MPLKIP: variants seen among roughly 807,000 people sequenced by gnomAD.
The protein encoded by MPLKIP is M-phase-specific PLK1-interacting protein.
Under a neutral mutation model 16.9 loss-of-function variants are expected in MPLKIP, and 16 were observed. The observed-to-expected ratio is 0.94, with a 90% CI of 0.64 to 1.43. The LOEUF (loss-of-function observed/expected upper bound fraction) is 1.43. Ranked by LOEUF, MPLKIP falls within the 40% of genes most tolerant of loss-of-function variation. MPLKIP has a pLI of 0.00. For missense variants in MPLKIP, 282 were observed against 237.6 expected, an observed-to-expected ratio of 1.19 and a Z score of -1.23; for synonymous variants, 126 against 98.4, an observed-to-expected ratio of 1.28 and a Z score of -1.66.
chr7:40,129,786 G>GA lies in MPLKIP; in HGVS notation c.*3272dup, dbSNP rs11441182. The GA allele has an allele frequency of 0.38, 53,697 of 142,498 alleles. 10,829 individuals carry two copies. Among genetic ancestry groups the GA allele is most frequent in the Middle Eastern group, 0.57 (155 of 274 alleles). 8.8% of individuals were successfully genotyped at this position (142,498 alleles called of 1,614,324 possible). A position where few individuals can be genotyped will look rare whatever the true frequency, so the allele number is the denominator to read the frequency against. On this transcript the variant is annotated 3_prime_UTR_variant, in exon 2 of 2. Transcript: ENST00000306984. ...CTATAAGGAGACCCTCTAACTCTTTGAAAAAAAAAAAAAGTCTGTTAATGT... is the reference window on the plus strand; with the variant it reads ...CTATAAGGAGACCCTCTAACTCTTTGAAAAAAAAAAAAAAGTCTGTTAATGT...
rs1439424159 is a variant in MPLKIP at position 40,132,534 on chromosome 7, G to A, written c.*525C>T. On this transcript the variant is annotated 3_prime_UTR_variant, in exon 2 of 2. Transcript: ENST00000306984. ...CAAGTTTTAATGCATTTTAACAGAA[G>A]CATTAGATAAAATGAGTATGAACAG... The A allele has an allele frequency of 6.1e-6, 1 of 165,194 alleles. No individual in the cohort carries two copies. The highest frequency in any genetic ancestry group is 5.8e-5 in the Admixed American group (1 of 17,110). 10.2% of individuals were successfully genotyped at this position (165,194 alleles called of 1,614,324 possible). A position where few individuals can be genotyped will look rare whatever the true frequency, so the allele number is the denominator to read the frequency against.
At chr7:40,134,039 G>A (rs1664375847) in intron 1 of MPLKIP, among the ~76,000 whole-genome samples, 190 bp downstream of exon 1, 1 of 152,094 alleles carries the variant, frequency 6.6e-6, no homozygotes, top group African/African-American at 2.4e-5. Context: ...AGAACGTACG[G>A]CTCTGCCACT....
rs1377691776 is a variant in MPLKIP at position 40,129,505 on chromosome 7, C to T, written c.*3554G>A. The T allele has an allele frequency of 6.6e-6, 1 of 152,144 alleles. No individual in the cohort carries two copies. Among genetic ancestry groups the T allele is most frequent in the East Asian group, 1.9e-4 (1 of 5,182 alleles). 9.4% of individuals were successfully genotyped at this position (152,144 alleles called of 1,614,324 possible). ...CTCCGAACCTCAAGTGATCTGCCCA[C>T]CTGGGCTCCCAAAGTGCTGGGATTA... On this transcript the variant is annotated 3_prime_UTR_variant, in exon 2 of 2. Coordinates refer to ENST00000306984, the MANE Select transcript of MPLKIP (RefSeq NM_138701.4).
Position 40,129,450 on chromosome 7 carries a change from C to CT in MPLKIP, c.*3608dup, listed in dbSNP as rs1193682545. On this transcript the variant is annotated 3_prime_UTR_variant, in exon 2 of 2. Transcript: ENST00000306984. Reference sequence around the variant, plus strand: ...TTTTGTGTTTTTAGTGGAGACGAGGCTTTACCATATTGGCCAGGCTGGTCT... The same window carrying CT: ...TTTTGTGTTTTTAGTGGAGACGAGGCTTTTACCATATTGGCCAGGCTGGTCT... The CT allele has an allele frequency of 6.6e-6, 1 of 151,892 alleles. No individual in the cohort carries two copies. The highest frequency in any genetic ancestry group is 1.5e-5 in the Non-Finnish European group (1 of 67,972). The allele number at this position is 151,892 out of a possible 1,614,324, so 9.4% of individuals were successfully genotyped here. A position where few individuals can be genotyped will look rare whatever the true frequency, so the allele number is the denominator to read the frequency against.
Position 40,132,965 on chromosome 7 carries a change from G to C in MPLKIP, c.*94C>G. On this transcript the variant is annotated 3_prime_UTR_variant, in exon 2 of 2. Coordinates refer to ENST00000306984, the MANE Select transcript of MPLKIP (RefSeq NM_138701.4). ...AGACCTTACTAATTATCCAATCAAA[G>C]TCATCATCTTTGGGTAAATTTATAT... 9.2e-7 allele frequency: 1 copy of C among 1,088,696 alleles called. No individual in the cohort carries two copies. Among genetic ancestry groups the C allele is most frequent in the East Asian group, 2.5e-5 (1 of 39,916 alleles). 67.4% of individuals were successfully genotyped at this position (1,088,696 alleles called of 1,614,324 possible). A position where few individuals can be genotyped will look rare whatever the true frequency, so the allele number is the denominator to read the frequency against.
rs761977352 is a variant in MPLKIP at position 40,134,611 on chromosome 7, C to A, written c.-44G>T. ...AAACCTCGCAGCCGCGTTCTCCCAC[C>A]GGAACTGTATCAACCGGCCCTCCGC... On this transcript the variant is annotated 5_prime_UTR_variant, in exon 1 of 2. Transcript: ENST00000306984. The A allele has an allele frequency of 1.2e-5, 19 of 1,539,410 alleles. No homozygotes were observed. Among genetic ancestry groups the A allele is most frequent in the Middle Eastern group, 2.2e-4 (1 of 4,582 alleles).
In MPLKIP at chr7:40,129,996, T is replaced by G. The variant is rs555784794; in HGVS notation, c.*3063A>C. The G allele has an allele frequency of 6.6e-6, 1 of 152,318 alleles. No individual in the cohort carries two copies. The highest frequency in any genetic ancestry group is 2.1e-4 in the South Asian group (1 of 4,828). 9.4% of individuals were successfully genotyped at this position (152,318 alleles called of 1,614,324 possible). ...GGGAAAAAGAACTGGCATGATCCCT[T>G]GATATGGATATGTTTTTATGTAGGT... is the stretch of plus-strand genomic sequence containing the variant. On this transcript the variant is annotated 3_prime_UTR_variant, in exon 2 of 2. Coordinates refer to ENST00000306984, the MANE Select transcript of MPLKIP (RefSeq NM_138701.4).
In MPLKIP at chr7:40,129,259, ATT is replaced by A. The variant is rs72174660; in HGVS notation, c.*3798_*3799del. The A allele has an allele frequency of 7.9e-3, 1,129 of 142,942 alleles. 12 individuals carry two copies. Among genetic ancestry groups the A allele is most frequent in the African/African-American group, 0.025 (979 of 38,960 alleles). The allele number at this position is 142,942 out of a possible 1,614,324, so 8.9% of individuals were successfully genotyped here. ...ATCTCCACACGGGCCAATATAACTT[ATT>A]TTTTTTTTTTTTTGAGATGGAGTAT... On this transcript the variant is annotated 3_prime_UTR_variant, in exon 2 of 2. Transcript: ENST00000306984.
In MPLKIP at chr7:40,131,326, A is replaced by G. The variant is rs191221788; in HGVS notation, c.*1733T>C. On this transcript the variant is annotated 3_prime_UTR_variant, in exon 2 of 2. Transcript: ENST00000306984. ...TGTTTTTACACGTTTCTTTCTGGGA[A>G]TGTTGAAACAAAAGTTTTACTAGCT... The G allele has an allele frequency of 1.1e-4, 17 of 152,256 alleles. No homozygotes were observed. Among genetic ancestry groups the G allele is most frequent in the Non-Finnish European group, 2.2e-4 (15 of 68,028 alleles). 9.4% of individuals were successfully genotyped at this position (152,256 alleles called of 1,614,324 possible). A position where few individuals can be genotyped will look rare whatever the true frequency, so the allele number is the denominator to read the frequency against.
At chr7:40,133,437 T>C (rs1175935211) in intron 1 of MPLKIP, among the ~76,000 whole-genome samples, 178 bp from the exon 2 acceptor site, 1 of 152,204 alleles carries the variant, frequency 6.6e-6, no homozygotes, top group Non-Finnish European at 1.5e-5. Context: ...TTAAAAAAAG[T>C]ACTTAAAGCA....
rs750387406 is a variant in MPLKIP at position 40,134,505 on chromosome 7, C to G, written c.63G>C (p.Trp21Cys). 35 of 1,587,610 alleles carry G rather than the reference C, an allele frequency of 2.2e-5. No homozygotes were observed. The highest frequency in any genetic ancestry group is 2.9e-5 in the Non-Finnish European group (34 of 1,168,694). Reference sequence around the variant, plus strand: ...TTCCCCGGAAGCTGCTTCCGCTACCCCAACCTCCTCCACCCGGACCAGGGT... The same window carrying G: ...TTCCCCGGAAGCTGCTTCCGCTACCGCAACCTCCTCCACCCGGACCAGGGT... Reference protein sequence around the residue: ...PPYPGPGGGGWGSGSSFRGTP... With the variant: ...PPYPGPGGGGCGSGSSFRGTP... The change falls in exon 1 of 2, where the codon TGG becomes TGC. Residue 21 changes from tryptophan to cysteine, a missense_variant. By Grantham distance (215) the Trp-to-Cys change is radical (BLOSUM62 -2). Transcript: ENST00000306984.
Position 40,131,089 on chromosome 7 carries a change from TATTA to T in MPLKIP, c.*1966_*1969del, listed in dbSNP as rs1267599904. The T allele has an allele frequency of 1.3e-5, 2 of 152,210 alleles. No individual in the cohort carries two copies. Among genetic ancestry groups the T allele is most frequent in the African/African-American group, 2.4e-5 (1 of 41,462 alleles). The allele number at this position is 152,210 out of a possible 1,614,324, so 9.4% of individuals were successfully genotyped here. On this transcript the variant is annotated 3_prime_UTR_variant, in exon 2 of 2. Coordinates refer to ENST00000306984, the MANE Select transcript of MPLKIP (RefSeq NM_138701.4). Reference sequence around the variant, plus strand: ...CACAACACCTCTATGACACAGGTACTATTAATTTTCTCATCTTACACATGAGAAA... The same window carrying T: ...CACAACACCTCTATGACACAGGTACTATTTTCTCATCTTACACATGAGAAA...
intron 1 of MPLKIP, 111 bp from the exon 2 acceptor site, chr7:40,133,370 CCTAA>C: frequency 1.1e-6 from 1 of 925,572 alleles, no homozygotes; most frequent in Non-Finnish European, 1.7e-6. Context: ...GTGACTTGAA[CCTAA>C]ATAATGTTCA....
In MPLKIP at chr7:40,129,628, T is replaced by C. The variant is rs1240118548; in HGVS notation, c.*3431A>G. 2.6e-5 allele frequency: 4 copies of C among 151,678 alleles called. No homozygotes were observed. Among genetic ancestry groups the C allele is most frequent in the African/African-American group, 4.8e-5 (2 of 41,332 alleles). The allele number at this position is 151,678 out of a possible 1,614,324, so 9.4% of individuals were successfully genotyped here. ...AACTTCCATCATATTCTCTTAATTATGGCAGTCAGAAGTTGGCTAAGGGGC... is the reference window on the plus strand; with the variant it reads ...AACTTCCATCATATTCTCTTAATTACGGCAGTCAGAAGTTGGCTAAGGGGC... On this transcript the variant is annotated 3_prime_UTR_variant, in exon 2 of 2. Transcript: ENST00000306984.
In MPLKIP at chr7:40,134,191, AAAGT is replaced by A. The variant is rs1053195082; in HGVS notation, c.339+34_339+37del. The A allele has an allele frequency of 1.5e-5, 23 of 1,542,976 alleles. No homozygotes were observed. The African/African-American group carries it at 3.0e-4, about 20-fold the overall frequency. ...GGAATATTAGTACCGTGCCTGCCAT[AAAGT>A]AAGAGCTCGGCAAACGCTGGCTATT... is the stretch of plus-strand genomic sequence containing the variant. On this transcript the variant is annotated intron_variant, in intron 1 of 1. Coordinates refer to ENST00000306984, the MANE Select transcript of MPLKIP (RefSeq NM_138701.4).
Position 40,134,250 on chromosome 7 carries a change from C to T in MPLKIP, c.318G>A (p.Gly106=). Residue 106 remains glycine, a synonymous_variant, in exon 1 of 2, where the codon GGG becomes GGA. Coordinates refer to ENST00000306984, the MANE Select transcript of MPLKIP (RefSeq NM_138701.4). ...GSQQQFGYSP[G]QQQTHPQGSP... Reference sequence around the variant, plus strand: ...TTACCTGGGGGTGGGTCTGCTGCTGCCCTGGGGAGTAGCCGAATTGCTGCT... The same window carrying T: ...TTACCTGGGGGTGGGTCTGCTGCTGTCCTGGGGAGTAGCCGAATTGCTGCT... 2 of 1,558,530 alleles carry T rather than the reference C, an allele frequency of 1.3e-6. No homozygotes were observed. Among genetic ancestry groups the T allele is most frequent in the Non-Finnish European group, 1.7e-6 (2 of 1,151,046 alleles).
At position 40,130,648 on chromosome 7, in the gene MPLKIP, A is replaced by G. The variant is rs1292336832; in HGVS notation, c.*2411T>C. On this transcript the variant is annotated 3_prime_UTR_variant, in exon 2 of 2. Transcript: ENST00000306984. The stretch of plus-strand genomic sequence containing the variant: ...TACTAATAACCCAATGATCTAAGAG[A>G]TGCTTCAGTAAATTATCTCCAAATG... The G allele has an allele frequency of 2.0e-5, 3 of 152,216 alleles. No individual in the cohort carries two copies. Among genetic ancestry groups the G allele is most frequent in the Admixed American group, 1.3e-4 (2 of 15,282 alleles). The allele number at this position is 152,216 out of a possible 1,614,324, so 9.4% of individuals were successfully genotyped here.
rs1473326750 is a variant in MPLKIP, at chr7:40,129,145, T to C, written c.*3914A>G. 16 of 152,240 alleles carry C rather than the reference T, an allele frequency of 1.1e-4. No individual in the cohort carries two copies. Among genetic ancestry groups the C allele is most frequent in the Admixed American group, 6.5e-4 (10 of 15,274 alleles). The allele number at this position is 152,240 out of a possible 1,614,324, so 9.4% of individuals were successfully genotyped here. A position where few individuals can be genotyped will look rare whatever the true frequency, so the allele number is the denominator to read the frequency against. ...CACAATGTACCCACAAAGGAAATGA[T>C]TTTTTGAATAGTCCAGAAACAAAAA... On this transcript the variant is annotated 3_prime_UTR_variant, in exon 2 of 2. Coordinates refer to ENST00000306984, the MANE Select transcript of MPLKIP (RefSeq NM_138701.4).
intron 1 of MPLKIP, 31 bp from the exon 2 acceptor site, chr7:40,133,290 TTAG>T (rs1292380200): frequency 8.9e-6 from 14 of 1,576,382 alleles, no homozygotes; most frequent in Non-Finnish European, 1.2e-5. Flanking sequence ...AAAAAAACAC[TTAG>T]TAAAGATAAT....
Sources: allele counts gnomAD v4.1 joint callset (sites outside exome capture counted in the v4.1 genomes callset), GRCh38; gene constraint gnomAD v4.1.1; transcripts MANE v1.5; gene names NCBI Gene and HGNC (gene_info 2026-07-23, HGNC 2026-07-21).